GLYATL2: variants seen among roughly 807,000 people sequenced by gnomAD.
The protein encoded by GLYATL2 is glycine-N-acyltransferase like 2, also known as glycine N-acyltransferase-like protein 2.
A neutral mutation model predicts 21.4 loss-of-function variants in GLYATL2; 25 were observed. The ratio of observed to expected loss-of-function variants is 1.17; its 90% CI spans 0.85 to 1.63. GLYATL2 has a LOEUF of 1.63. Among genes scored for constraint, GLYATL2 ranks in the 40% most tolerant of loss-of-function variants. The pLI, the probability that GLYATL2 is intolerant of heterozygous loss-of-function variation, is 0.00. For synonymous variants in GLYATL2, 114 were observed against 118.2 expected, an observed-to-expected ratio of 0.96 and a Z score of 0.23; for missense variants, 361 against 343.3, an observed-to-expected ratio of 1.05 and a Z score of -0.41.
chr11:58,881,322 C>G (rs913923807), intron 1 of GLYATL2, among the ~76,000 whole-genome samples: 1 of 152,166 alleles, frequency 6.6e-6, no homozygotes, highest in African/African-American at 2.4e-5. Flanking sequence ...TGGAACCAGC[C>G]TAAGCTTTGA....
At chr11:58,889,877 A>G (rs1943304) in intron 1 of GLYATL2, among the ~76,000 whole-genome samples, 108,576 of 152,028 alleles carry the variant, frequency 0.71, 41,068 homozygotes, top group Middle Eastern at 0.88. Flanking sequence ...TAGTATTAAA[A>G]TTATGTGTTT....
At chr11:58,877,882 C>T (rs1250748128) in intron 1 of GLYATL2, among the ~76,000 whole-genome samples, 2 of 152,174 alleles carry the variant, frequency 1.3e-5, no homozygotes, top group African/African-American at 4.8e-5. Context: ...ACATTTCAGT[C>T]CTTTTGGGTG....
chr11:58,876,738 G>A (rs1000796671), intron 1 of GLYATL2, among the ~76,000 whole-genome samples: 19 of 152,222 alleles, frequency 1.2e-4, no homozygotes, highest in African/African-American at 4.3e-4. Flanking sequence ...TGGGGGTCAG[G>A]GGCCCACTTG....
rs895135698 is a variant in GLYATL2 at position 58,887,893 on chromosome 11, T to C, written n.60+16263A>G. Among the ~76,000 whole-genome samples the C allele has an allele frequency of 1.1e-4, 16 of 152,186 alleles. 1 individual carries two copies. The highest frequency in any genetic ancestry group is 9.8e-4 in the Admixed American group (15 of 15,274). ...CTCCAAGTCAGAGTTTACCTTATCC[T>C]AAGTAGGCACTGCCAGATTATCTTC... On this transcript the variant is annotated intron_variant and non_coding_transcript_variant, in intron 1 of 4. Transcript: ENST00000533636.
intron 1 of GLYATL2, among the ~76,000 whole-genome samples, chr11:58,870,027 G>A (rs968958351): frequency 5.9e-5 from 9 of 152,104 alleles, no homozygotes; most frequent in African/African-American, 2.2e-4. Context: ...AAGATTGCTT[G>A]AGCCTGAAAG....
At chr11:58,865,481 T>C (rs1219984611) in intron 1 of GLYATL2, among the ~76,000 whole-genome samples, 1 of 149,126 alleles carries the variant, frequency 6.7e-6, no homozygotes, top group African/African-American at 2.4e-5. Flanking sequence ...TGGTGAGATA[T>C]TTGGAGCCAC....
rs1259745081 is a variant in GLYATL2, at chr11:58,844,636, T to C, written c.-243A>G. ...AGACGTTCTGTCCATAGACAAGAAA[T>C]CACAGGCTTTGTAGACCAGAGGAGG... On this transcript the variant is annotated 5_prime_UTR_variant, in exon 1 of 6. Transcript: ENST00000287275. The C allele has an allele frequency of 6.6e-6, 1 of 152,208 alleles. No individual in the cohort carries two copies. The highest frequency in any genetic ancestry group is 2.4e-5 in the African/African-American group (1 of 41,454). 9.4% of individuals were successfully genotyped at this position (152,208 alleles called of 1,614,324 possible). A position where few individuals can be genotyped will look rare whatever the true frequency, so the allele number is the denominator to read the frequency against.
upstream of GLYATL2, among the ~76,000 whole-genome samples, chr11:58,846,099 T>A (rs1025418944): frequency 6.6e-6 from 1 of 152,196 alleles, no homozygotes; most frequent in African/African-American, 2.4e-5. Flanking sequence ...TCATCCTTTT[T>A]AAAAAATGGT....
chr11:58,893,155 A>AT, intron 1 of GLYATL2: 1 of 388,960 alleles, frequency 2.6e-6, no homozygotes, highest in Non-Finnish European at 4.8e-6. Context: ...CAAGCGCTGC[A>AT]TAGGAGCCAT....
At chr11:58,839,970 C>G (rs1853515188) in intron 1 of GLYATL2, among the ~76,000 whole-genome samples, 1 of 152,104 alleles carries the variant, frequency 6.6e-6, no homozygotes, top group African/African-American at 2.4e-5. Flanking sequence ...GCTGTCCAGG[C>G]ACAAATAAAA....
chr11:58,899,838 T>C (rs7926916), intron 1 of GLYATL2, among the ~76,000 whole-genome samples: 43,754 of 151,692 alleles, frequency 0.29, 6,471 homozygotes, highest in South Asian at 0.39. Context: ...TACACACACA[T>C]ACATATATAG....
intron 1 of GLYATL2, among the ~76,000 whole-genome samples, chr11:58,887,343 T>C (rs550827883): frequency 1.2e-4 from 19 of 152,320 alleles, no homozygotes; most frequent in Admixed American, 3.3e-4. Flanking sequence ...TCTTTCAGTA[T>C]TGAAAGTCAA....
intron 1 of GLYATL2, chr11:58,892,824 A>T: frequency 3.1e-6 from 1 of 321,048 alleles, no homozygotes. Context: ...GGCCACCCAG[A>T]TGATGAATTT....
intron 1 of GLYATL2, among the ~76,000 whole-genome samples, chr11:58,898,087 A>G (rs539905802): frequency 2.0e-5 from 3 of 152,182 alleles, no homozygotes; most frequent in Admixed American, 6.5e-5. Flanking sequence ...TTTTTATTCA[A>G]TCACTAGTAT....
At chr11:58,874,982 G>T (rs1854199916) in intron 1 of GLYATL2, among the ~76,000 whole-genome samples, 1 of 152,154 alleles carries the variant, frequency 6.6e-6, no homozygotes, top group Admixed American at 6.5e-5. Context: ...CCTATATTGG[G>T]TGCATATATA....
At chr11:58,860,479 A>G (rs1447349630) in intron 1 of GLYATL2, among the ~76,000 whole-genome samples, 1 of 152,084 alleles carries the variant, frequency 6.6e-6, no homozygotes, top group Non-Finnish European at 1.5e-5. Flanking sequence ...TGAATTGCTT[A>G]CTAGTTTTAA....
upstream of GLYATL2, chr11:58,907,778 G>C (rs372480383): frequency 5.3e-6 from 1 of 187,180 alleles, no homozygotes. Flanking sequence ...CCAGTACGTT[G>C]TTATTTTACA....
intron 1 of GLYATL2, among the ~76,000 whole-genome samples, chr11:58,883,683 T>TA (rs550545632): frequency 2.4e-4 from 36 of 151,904 alleles, no homozygotes; most frequent in African/African-American, 7.5e-4. Context: ...TTCCAATCAA[T>TA]AAAAAAAGAG....
At chr11:58,861,137 G>A (rs2856256) in intron 1 of GLYATL2, among the ~76,000 whole-genome samples, 134,595 of 151,742 alleles carry the variant, frequency 0.89, 60,844 homozygotes, top group Non-Finnish European at 0.98. Flanking sequence ...CCTCTTGTTC[G>A]ATTTCTTGGA....
Sources: allele counts gnomAD v4.1 joint callset (sites outside exome capture counted in the v4.1 genomes callset), GRCh38; gene constraint gnomAD v4.1.1; transcripts MANE v1.5; gene names NCBI Gene and HGNC (gene_info 2026-07-23, HGNC 2026-07-21).